The following AEBP2 variants were observed in gnomAD, a reference collection of about 807,000 sequenced individuals.
AEBP2 encodes AE binding protein 2.
Under a neutral mutation model 50.8 loss-of-function variants are expected in AEBP2, and 10 were observed. That is an observed-to-expected ratio of 0.20 (90% CI 0.12 to 0.33). AEBP2 has a LOEUF of 0.33. Among genes scored for constraint, AEBP2 ranks in the 10% least tolerant of loss-of-function variants. The probability of loss-of-function intolerance (pLI) is 1.00; values close to 1 mark genes in which losing one functional copy is unlikely to be tolerated. For missense variants in AEBP2, 570 were observed against 688.0 expected (o/e 0.83, Z 1.92); for synonymous variants, 296 against 261.3 (o/e 1.13, Z -1.28).
intron 2 of AEBP2, among the ~76,000 whole-genome samples, chr12:19,465,362 C>G (rs1022685008): frequency 1.3e-5 from 2 of 151,818 alleles, no homozygotes; most frequent in African/African-American, 4.8e-5. Context: ...CCACTGCACT[C>G]CAGCCTGGGT....
intron 1 of AEBP2, among the ~76,000 whole-genome samples, chr12:19,415,420 A>G (rs1252899875): frequency 2.1e-5 from 3 of 140,300 alleles, no homozygotes. Flanking sequence ...GTGATTTTCT[A>G]GCATTCAGAG....
chr12:19,465,802 T>C (rs1302917023), intron 2 of AEBP2, among the ~76,000 whole-genome samples: 1 of 149,720 alleles, frequency 6.7e-6, no homozygotes, highest in Non-Finnish European at 1.5e-5. Flanking sequence ...TTTTTTTTTT[T>C]TTTTTTTGAG....
chr12:19,419,971 T>C (rs2095744711), intron 1 of AEBP2, among the ~76,000 whole-genome samples: 2 of 151,848 alleles, frequency 1.3e-5, no homozygotes. Flanking sequence ...TCTATATACC[T>C]ATATAAACTG....
intron 1 of AEBP2, among the ~76,000 whole-genome samples, chr12:19,454,611 T>C (rs534535456): frequency 9.8e-5 from 15 of 152,304 alleles, no homozygotes; most frequent in African/African-American, 3.6e-4. Context: ...TGTCAATAAA[T>C]TATGCTTGAT....
At chr12:19,413,681 A>C (rs1299780225) in intron 1 of AEBP2, among the ~76,000 whole-genome samples, 1 of 152,172 alleles carries the variant, frequency 6.6e-6, no homozygotes, top group African/African-American at 2.4e-5. Flanking sequence ...ATGATATGCT[A>C]AACGAGGGGT....
intron 6 of AEBP2, 94 bp downstream of exon 6, chr12:19,512,559 AAAG>A (rs1340826618): frequency 2.6e-5 from 23 of 881,312 alleles, no homozygotes; most frequent in South Asian, 7.6e-5. Flanking sequence ...ATTCAAATAA[AAAG>A]AAATTACATT....
chr12:19,408,851 C>T (rs540481439), intron 1 of AEBP2, among the ~76,000 whole-genome samples: 27 of 151,946 alleles, frequency 1.8e-4, no homozygotes, highest in Non-Finnish European at 3.1e-4. Context: ...TGCAGTGACC[C>T]GAGATCTCGC....
At chr12:19,444,498 C>T (rs534948429) in intron 1 of AEBP2, among the ~76,000 whole-genome samples, 4 of 152,116 alleles carry the variant, frequency 2.6e-5, no homozygotes, top group African/African-American at 9.7e-5. Context: ...TTTGGGAGGC[C>T]GAGGAGGGCA....
At chr12:19,466,596 ACT>A (rs1156799602) in intron 2 of AEBP2, among the ~76,000 whole-genome samples, 1 of 152,016 alleles carries the variant, frequency 6.6e-6, no homozygotes, top group African/African-American at 2.4e-5. Flanking sequence ...AAACAAACTT[ACT>A]CTCTGCTCTT....
chr12:19,477,325 TC>T (rs1364004079), intron 3 of AEBP2, among the ~76,000 whole-genome samples: 1 of 152,150 alleles, frequency 6.6e-6, no homozygotes, highest in Admixed American at 6.5e-5. Flanking sequence ...GGCTAGGACT[TC>T]TAGTACTTAT....
intron 1 of AEBP2, among the ~76,000 whole-genome samples, chr12:19,442,400 TC>T (rs1947977917): frequency 1.3e-5 from 2 of 152,086 alleles, no homozygotes; most frequent in African/African-American, 4.8e-5. Flanking sequence ...AGAGCGAGAC[TC>T]CGTCTCAAAA....
chr12:19,460,876 G>T (rs1948362861), intron 1 of AEBP2, among the ~76,000 whole-genome samples: 1 of 151,748 alleles, frequency 6.6e-6, no homozygotes, highest in Admixed American at 6.6e-5. Context: ...GGATGGTCTC[G>T]ATCTCCTGAT....
At chr12:19,434,939 G>A (rs993090712), upstream of AEBP2, among the ~76,000 whole-genome samples, 2 of 152,054 alleles carry the variant, frequency 1.3e-5, no homozygotes, top group African/African-American at 4.8e-5. Flanking sequence ...TTCGTTTGTG[G>A]CTTTGATACT....
chr12:19,516,383 A>G (rs1949318434), intron 7 of AEBP2, among the ~76,000 whole-genome samples: 1 of 152,108 alleles, frequency 6.6e-6, no homozygotes, highest in African/African-American at 2.4e-5. Flanking sequence ...CTAGTCGTAA[A>G]CCTCTCTTAG....
chr12:19,466,855 G>A, intron 2 of AEBP2: 1 of 932,100 alleles, frequency 1.1e-6, no homozygotes. Flanking sequence ...GGAGCAGTAA[G>A]TTAGCAAGAT....
At chr12:19,412,079 C>T (rs948459055) in intron 1 of AEBP2, among the ~76,000 whole-genome samples, 1 of 152,202 alleles carries the variant, frequency 6.6e-6, no homozygotes, top group African/African-American at 2.4e-5. Context: ...CTGAGTTCTT[C>T]TTATTCTGCA....
In AEBP2 at chr12:19,479,717, G is replaced by GTTTTTT. The variant is rs369410408; in HGVS notation, c.987+6388_987+6393dup. ...ATTATTTAATGTCACCTCTTTGTGG[G>GTTTTTT]TTTTTTTTTTTTTTTTTTTTTTTTT... On this transcript the variant is annotated intron_variant, in intron 3 of 7. Transcript: ENST00000266508. Among the ~76,000 whole-genome samples, 59 of 22,340 alleles carry GTTTTTT rather than the reference G, an allele frequency of 2.6e-3. 4 individuals are homozygous for GTTTTTT. The highest frequency in any genetic ancestry group is 3.7e-3 in the Non-Finnish European group (41 of 11,044). 14.7% of individuals were successfully genotyped at this position (22,340 alleles called of 152,430 possible).
chr12:19,443,881 G>A (rs1948010088), intron 1 of AEBP2, among the ~76,000 whole-genome samples: 1 of 152,072 alleles, frequency 6.6e-6, no homozygotes, highest in East Asian at 1.9e-4. Flanking sequence ...CCAGAAGAAA[G>A]TTTTTCAAAA....
At chr12:19,443,454 C>A (rs1266680488) in intron 1 of AEBP2, among the ~76,000 whole-genome samples, 1 of 151,796 alleles carries the variant, frequency 6.6e-6, no homozygotes, top group Non-Finnish European at 1.5e-5. Flanking sequence ...CATGGTGGCT[C>A]ACCCCTGTAA....
Sources: allele counts gnomAD v4.1 joint callset (sites outside exome capture counted in the v4.1 genomes callset), GRCh38; gene constraint gnomAD v4.1.1; transcripts MANE v1.5; gene names NCBI Gene and HGNC (gene_info 2026-07-23, HGNC 2026-07-21).